The following NCOA2 variants were observed in gnomAD, a reference collection of about 807,000 sequenced individuals.
NCOA2 encodes class E basic helix-loop-helix protein 75.
Under a neutral mutation model 145.1 loss-of-function variants are expected in NCOA2, and 21 were observed. The ratio of observed to expected loss-of-function variants is 0.14; its 90% CI spans 0.10 to 0.21. The LOEUF (loss-of-function observed/expected upper bound fraction) is 0.21. Ranked by LOEUF, NCOA2 falls within the 10% of genes least tolerant of loss-of-function variation. The pLI is 1.00. For missense variants in NCOA2, 1,472 were observed against 1,837.6 expected (o/e 0.80, Z 3.64); for synonymous variants, 619 against 637.5 (o/e 0.97, Z 0.44).
intron 1 of NCOA2, among the ~76,000 whole-genome samples, chr8:70,349,247 A>G (rs1808956586): frequency 6.6e-6 from 1 of 152,128 alleles, no homozygotes; most frequent in African/African-American, 2.4e-5. Flanking sequence ...GAAAAATGAC[A>G]TCATTACACC....
chr8:70,384,052 A>T (rs1449987095), intron 1 of NCOA2, among the ~76,000 whole-genome samples: 1 of 152,210 alleles, frequency 6.6e-6, no homozygotes, highest in Non-Finnish European at 1.5e-5. Flanking sequence ...CCTCTGTAAA[A>T]TGTGAATTTA....
At chr8:70,314,183 A>G (rs1348823909) in intron 1 of NCOA2, among the ~76,000 whole-genome samples, 2 of 119,506 alleles carry the variant, frequency 1.7e-5, no homozygotes, top group African/African-American at 4.4e-5. Flanking sequence ...CTGACTCCAA[A>G]AAAAAAAAAA....
intron 1 of NCOA2, among the ~76,000 whole-genome samples, chr8:70,306,258 C>T (rs1827882788): frequency 6.6e-6 from 1 of 152,154 alleles, no homozygotes; most frequent in Non-Finnish European, 1.5e-5. Context: ...AGTACCTCTA[C>T]TGATGACAGG....
At chr8:70,340,549 A>T (rs1477131632) in intron 1 of NCOA2, among the ~76,000 whole-genome samples, 2 of 152,208 alleles carry the variant, frequency 1.3e-5, no homozygotes, top group Admixed American at 1.3e-4. Flanking sequence ...CTTCTCAAAG[A>T]CCTAGAGTCA....
intron 4 of NCOA2, among the ~76,000 whole-genome samples, chr8:70,181,320 A>C (rs1207339158): frequency 6.6e-6 from 1 of 152,224 alleles, no homozygotes; most frequent in African/African-American, 2.4e-5. Context: ...TTATGGTAGA[A>C]GTTGATACTC....
chr8:70,328,353 C>CAAT (rs1806780080), intron 1 of NCOA2, among the ~76,000 whole-genome samples: 1 of 152,178 alleles, frequency 6.6e-6, no homozygotes, highest in African/African-American at 2.4e-5. Context: ...TTCTACAAGA[C>CAAT]AATTTGTATG....
chr8:70,309,726 G>C (rs1425760812), intron 1 of NCOA2, among the ~76,000 whole-genome samples: 1 of 152,044 alleles, frequency 6.6e-6, no homozygotes, highest in Non-Finnish European at 1.5e-5. Flanking sequence ...CGACATGGGA[G>C]GATTGCTTGA....
At chr8:70,324,365 C>T (rs1285854446) in intron 1 of NCOA2, among the ~76,000 whole-genome samples, 1 of 152,056 alleles carries the variant, frequency 6.6e-6, no homozygotes, top group Non-Finnish European at 1.5e-5. Flanking sequence ...GAGACAAGGT[C>T]TCGCTCTGTC....
intron 2 of NCOA2, among the ~76,000 whole-genome samples, chr8:70,270,003 C>T (rs1824915480): frequency 6.6e-6 from 1 of 152,004 alleles, no homozygotes; most frequent in African/African-American, 2.4e-5. Context: ...CAACATAGAC[C>T]TCAACTGTTA....
chr8:70,355,594 T>C (rs1423387646), intron 1 of NCOA2, among the ~76,000 whole-genome samples: 6 of 151,996 alleles, frequency 3.9e-5, no homozygotes, highest in Non-Finnish European at 8.8e-5. Context: ...TTTTTTTTTT[T>C]CTCTCATCGG....
At chr8:70,367,778 A>C (rs1158591054) in intron 1 of NCOA2, among the ~76,000 whole-genome samples, 1 of 152,208 alleles carries the variant, frequency 6.6e-6, no homozygotes, top group Non-Finnish European at 1.5e-5. Flanking sequence ...AAAATAACAG[A>C]TAACACTTCT....
chr8:70,452,240 G>A, the NCOA2 span, among the ~76,000 whole-genome samples: 1 of 152,202 alleles, frequency 6.6e-6, no homozygotes, highest in Non-Finnish European at 1.5e-5. Flanking sequence ...CCCCCAAAGT[G>A]CTGGGATTAC....
intron 2 of NCOA2, among the ~76,000 whole-genome samples, chr8:70,265,403 G>A (rs1824487189): frequency 6.6e-6 from 1 of 152,010 alleles, no homozygotes; most frequent in East Asian, 1.9e-4. Context: ...CCTAGTCTAT[G>A]GTATTTTGTT....
At chr8:70,435,801 T>C in the NCOA2 span, among the ~76,000 whole-genome samples, 1 of 151,978 alleles carries the variant, frequency 6.6e-6, no homozygotes, top group African/African-American at 2.4e-5. Context: ...GAATGTTCAC[T>C]TTGTGTTTAA....
intron 2 of NCOA2, among the ~76,000 whole-genome samples, chr8:70,260,047 C>T (rs925700095): frequency 2.5e-4 from 38 of 152,182 alleles, no homozygotes; most frequent in African/African-American, 9.2e-4. Flanking sequence ...ACACCACTAC[C>T]AGGAAACAAA....
At chr8:70,417,234 C>T in the NCOA2 span, among the ~76,000 whole-genome samples, 56 of 105,452 alleles carry the variant, frequency 5.3e-4, no homozygotes, top group African/African-American at 2.9e-3. Flanking sequence ...ATAGTGAGAC[C>T]TCGTCTCTAT....
chr8:70,131,828 C>G lies in NCOA2; in HGVS notation c.3324+9G>C, dbSNP rs754332095. ...GCTTGGCCCCCACCTGCTGCCCTTC[C>G]GCGCATACCTGGCTGACCAGTTCGG... On this transcript the variant is annotated intron_variant, in intron 16 of 22. Transcript: ENST00000452400. The G allele has an allele frequency of 2.0e-5, 31 of 1,578,484 alleles. No homozygotes were observed. The African/African-American group carries it at 3.0e-4, about 15-fold the overall frequency.
intron 1 of NCOA2, among the ~76,000 whole-genome samples, chr8:70,397,640 G>A (rs985693160): frequency 3.9e-5 from 6 of 152,010 alleles, no homozygotes; most frequent in African/African-American, 4.8e-5. Flanking sequence ...TATCACCTTC[G>A]CCCAACTAAA....
At chr8:70,189,171 G>GGT (rs1289292086) in intron 4 of NCOA2, among the ~76,000 whole-genome samples, 2 of 152,024 alleles carry the variant, frequency 1.3e-5, no homozygotes, top group Non-Finnish European at 2.9e-5. Flanking sequence ...CTTCATTTGG[G>GGT]GTGTCTCTCT....
Sources: allele counts gnomAD v4.1 joint callset (sites outside exome capture counted in the v4.1 genomes callset), GRCh38; gene constraint gnomAD v4.1.1; transcripts MANE v1.5; gene names NCBI Gene and HGNC (gene_info 2026-07-23, HGNC 2026-07-21).